N4BP2: variants seen among roughly 807,000 people sequenced by gnomAD.
N4BP2 encodes the protein NEDD4 binding protein 2, also known as NEDD4-binding protein 2.
N4BP2 carries 91 observed loss-of-function variants against 152.8 expected under a neutral mutation model. The ratio of observed to expected loss-of-function variants is 0.60; its 90% CI spans 0.50 to 0.71. The LOEUF (loss-of-function observed/expected upper bound fraction) is 0.71. Among genes scored for constraint, N4BP2 ranks in the 30% least tolerant of loss-of-function variants. The pLI is 0.00. For synonymous variants in N4BP2, 646 were observed against 705.3 expected (o/e 0.92, Z 1.33); for missense variants, 1,923 against 2,059.1 (o/e 0.93, Z 1.28).
At chr4:40,082,275 CAAAA>C (rs370100487) in intron 2 of N4BP2, among the ~76,000 whole-genome samples, 2 of 95,054 alleles carry the variant, frequency 2.1e-5, no homozygotes. Flanking sequence ...GACCCTGTCT[CAAAA>C]AAAAAAAAAA....
rs576620225 is a variant in N4BP2 at position 40,111,918 on chromosome 4, C to T, written c.1499-166C>T. Among the ~76,000 whole-genome samples the T allele has an allele frequency of 6.4e-4, 98 of 152,226 alleles. 1 individual carries two copies. The highest frequency in any genetic ancestry group is 2.3e-3 in the African/African-American group (94 of 41,544). ...GGCATGAGCCACCATGCCCAGCCAACCCATACTTACTTAATTTTTATGTCC... is the reference window on the plus strand; with the variant it reads ...GGCATGAGCCACCATGCCCAGCCAATCCATACTTACTTAATTTTTATGTCC... On this transcript the variant is annotated intron_variant, in intron 5 of 17. Coordinates refer to ENST00000261435, the MANE Select transcript of N4BP2 (RefSeq NM_018177.6).
chr4:40,089,323 T>C (rs1714304640), intron 2 of N4BP2, among the ~76,000 whole-genome samples: 1 of 152,156 alleles, frequency 6.6e-6, no homozygotes, highest in Non-Finnish European at 1.5e-5. Context: ...TTATCCTGAA[T>C]GTGGTATGTA....
At chr4:40,176,038 T>G in the N4BP2 span, among the ~76,000 whole-genome samples, 20 of 143,772 alleles carry the variant, frequency 1.4e-4, no homozygotes, top group Non-Finnish European at 3.0e-4. Flanking sequence ...TGCAGTGAGT[T>G]GAGATCGGGC....
At chr4:40,171,250 C>T in the N4BP2 span, among the ~76,000 whole-genome samples, 2 of 152,200 alleles carry the variant, frequency 1.3e-5, no homozygotes, top group Non-Finnish European at 2.9e-5. Context: ...TTTGTCCATC[C>T]CTTCTGCCAA....
Position 40,137,018 on chromosome 4 carries a change from A to G in N4BP2, c.4721A>G (p.Gln1574Arg). Residue 1574 changes from glutamine to arginine, a missense_variant, in exon 14 of 18, where the codon CAA (glutamine) becomes CGA (arginine). By Grantham distance (43) the Gln-to-Arg change is conservative. Coordinates refer to ENST00000261435, the MANE Select transcript of N4BP2 (RefSeq NM_018177.6). ...GACCCTGTAAAAACAGTTGTAGCCC[A>G]AGAGTTTGTTCACCAAAATGAGAAT... Reference protein sequence around the residue: ...EGDPVKTVVAQEFVHQNENVT... With the variant: ...EGDPVKTVVAREFVHQNENVT... 1 of 1,613,932 alleles carries G rather than the reference A, an allele frequency of 6.2e-7. No individual in the cohort carries two copies.
At position 40,102,074 on chromosome 4, in the gene N4BP2, G is replaced by T. The variant is rs1372291546; in HGVS notation, c.230-1G>T. On this transcript the variant is annotated splice_acceptor_variant, in intron 3 of 17. Transcript: ENST00000261435. LOFTEE classifies it high-confidence loss of function. ...TTGTTATTATTCTTGTTGTTGTACA[G>T]TTGAAAATGCTATGGATTGTCTATT... 17 of 1,552,390 alleles carry T rather than the reference G, an allele frequency of 1.1e-5. No homozygotes were observed. Among genetic ancestry groups the T allele is most frequent in the Non-Finnish European group, 1.5e-5 (17 of 1,144,870 alleles).
the N4BP2 span, among the ~76,000 whole-genome samples, chr4:40,173,371 T>C: frequency 2.0e-5 from 3 of 152,214 alleles, no homozygotes; most frequent in African/African-American, 7.2e-5. Context: ...ATGTGATCCC[T>C]GGCAAGTTAG....
At chr4:40,105,873 C>A (rs1045808027) in intron 4 of N4BP2, among the ~76,000 whole-genome samples, 1 of 152,002 alleles carries the variant, frequency 6.6e-6, no homozygotes, top group Non-Finnish European at 1.5e-5. Flanking sequence ...TTAAAGATAG[C>A]TGAGATATAT....
At chr4:40,112,035 T>C in intron 5 of N4BP2, 49 bp from the exon 6 acceptor site, 1 of 967,794 alleles carries the variant, frequency 1.0e-6, no homozygotes, top group Non-Finnish European at 1.6e-6. Flanking sequence ...AAAATCATAA[T>C]ACTTAGTATT....
chr4:40,184,939 G>A, the N4BP2 span, among the ~76,000 whole-genome samples: 341 of 151,960 alleles, frequency 2.2e-3, no homozygotes, highest in African/African-American at 7.0e-3. Flanking sequence ...CTGGGCAACA[G>A]AGCAAGACTC....
intron 3 of N4BP2, among the ~76,000 whole-genome samples, chr4:40,100,353 A>C (rs966900400): frequency 5.3e-5 from 8 of 151,618 alleles, no homozygotes; most frequent in African/African-American, 1.9e-4. Context: ...AGATGCTTAA[A>C]AATTCTTATT....
rs887539856 is a variant in N4BP2 at position 40,120,430 on chromosome 4, A to C, written c.2319A>C (p.Lys773Asn). ...AAGCCTTTGGGAAACAAAAAAGCAA[A>C]TCGACTTTGGAAAAGTTCCCAAGAC... ...TKKAFGKQKS[K>N]STLEKFPRHE... Residue 773 changes from lysine to asparagine, a missense_variant, in exon 9 of 18, where the codon AAA becomes AAC. Transcript: ENST00000261435. The C allele has an allele frequency of 3.7e-6, 6 of 1,613,898 alleles. No individual in the cohort carries two copies. The African/African-American group carries it at 8.0e-5, about 21-fold the overall frequency.
In N4BP2 at chr4:40,157,581, G is replaced by C. The variant is rs904267039; in HGVS notation, c.*3344G>C. 6.6e-6 allele frequency: 1 copy of C among 152,082 alleles called. No individual in the cohort carries two copies. The highest frequency in any genetic ancestry group is 2.1e-4 in the South Asian group (1 of 4,828). 9.4% of individuals were successfully genotyped at this position (152,082 alleles called of 1,614,324 possible). Reference sequence around the variant, plus strand: ...ACTGCTCTCAATTTAAGAAAATGACGAAATGTATAAAAAAGACAAAAATAA... The same window carrying C: ...ACTGCTCTCAATTTAAGAAAATGACCAAATGTATAAAAAAGACAAAAATAA... On this transcript the variant is annotated 3_prime_UTR_variant, in exon 18 of 18. Coordinates refer to ENST00000261435, the MANE Select transcript of N4BP2 (RefSeq NM_018177.6).
chr4:40,120,043 A>T lies in N4BP2; in HGVS notation c.1932A>T (p.Thr644=). The change falls in exon 9 of 18, where the codon ACA becomes ACT. Residue 644 remains threonine (T), a synonymous_variant. Transcript: ENST00000261435. ...EEKNLDVTKE[T]MLPENVAYLS... is the part of the protein sequence containing the mutation. ...AGAATCTTGATGTAACCAAAGAAAC[A>T]ATGTTACCTGAGAATGTTGCATATC... 9 of 1,606,584 alleles carry T rather than the reference A, an allele frequency of 5.6e-6. No individual in the cohort carries two copies. The highest frequency in any genetic ancestry group is 7.7e-6 in the Non-Finnish European group (9 of 1,173,748).
chr4:40,069,443 T>TC (rs1711929585), intron 1 of N4BP2, among the ~76,000 whole-genome samples: 1 of 152,156 alleles, frequency 6.6e-6, no homozygotes, highest in Non-Finnish European at 1.5e-5. Context: ...TTTTTTCCCT[T>TC]CCTTTCATTT....
At chr4:40,136,379 T>TATCTGTCTATC (rs1719388132) in intron 13 of N4BP2, among the ~76,000 whole-genome samples, 1 of 150,238 alleles carries the variant, frequency 6.7e-6, no homozygotes, top group African/African-American at 2.5e-5. Flanking sequence ...TCTATCTATC[T>TATCTGTCTATC]ATCTATCTAT....
the N4BP2 span, among the ~76,000 whole-genome samples, chr4:40,173,859 C>CT: frequency 4.6e-5 from 7 of 152,298 alleles, no homozygotes; most frequent in African/African-American, 1.7e-4. Flanking sequence ...TTTTACCTCC[C>CT]TTTTCTTTTC....
chr4:40,185,641 T>G, the N4BP2 span, among the ~76,000 whole-genome samples: 4 of 152,190 alleles, frequency 2.6e-5, no homozygotes, highest in Admixed American at 6.5e-5. Context: ...AATTTTACTT[T>G]TTAAAAGGTT....
chr4:40,115,707 G>T lies in N4BP2; in HGVS notation c.1665-2162G>T, dbSNP rs373642980. On this transcript the variant is annotated intron_variant, in intron 7 of 17. Coordinates refer to ENST00000261435, the MANE Select transcript of N4BP2 (RefSeq NM_018177.6). ...AAAATTGGTTTTCAACTTAACTACA[G>T]TAGGTCAGGTTGTGTAGTTTGTATG... Among the ~76,000 whole-genome samples the T allele has an allele frequency of 4.6e-5, 7 of 152,134 alleles. No homozygotes were observed. In the East Asian group the frequency reaches 7.7e-4, roughly 17 times the overall value.
Sources: allele counts gnomAD v4.1 joint callset (sites outside exome capture counted in the v4.1 genomes callset), GRCh38; gene constraint gnomAD v4.1.1; transcripts MANE v1.5; gene names NCBI Gene and HGNC (gene_info 2026-07-23, HGNC 2026-07-21).